GLIPR1L2: variants seen among roughly 807,000 people sequenced by gnomAD.
GLIPR1L2 encodes the protein GLIPR1-like protein 2.
Under a neutral mutation model 28.4 loss-of-function variants are expected in GLIPR1L2, and 21 were observed. The observed-to-expected ratio is 0.74, with a 90% CI of 0.52 to 1.06. The LOEUF (loss-of-function observed/expected upper bound fraction) is 1.06, where lower values mean the gene tolerates loss of function less well. Ranked by LOEUF, GLIPR1L2 falls within the 50% of genes least tolerant of loss-of-function variation. The pLI is 0.00. For synonymous variants in GLIPR1L2, 145 were observed against 139.3 expected (o/e 1.04, Z -0.29); for missense variants, 476 against 416.9 (o/e 1.14, Z -1.23).
intron 3 of GLIPR1L2, among the ~76,000 whole-genome samples, chr12:75,416,577 C>A (rs186580507): frequency 2.1e-4 from 32 of 152,174 alleles, no homozygotes; most frequent in African/African-American, 6.7e-4. Context: ...GAAGCCCAAA[C>A]TGGTTAACTC....
intron 1 of GLIPR1L2, 141 bp from the exon 2 acceptor site, chr12:75,410,293 C>A: frequency 1.4e-6 from 1 of 714,172 alleles, no homozygotes; most frequent in Non-Finnish European, 2.2e-6. Context: ...GAAGTTTTTC[C>A]CAGCAGAAAT....
chr12:75,416,730 G>A (rs914618582), intron 3 of GLIPR1L2, among the ~76,000 whole-genome samples: 1 of 152,136 alleles, frequency 6.6e-6, no homozygotes, highest in Non-Finnish European at 1.5e-5. Flanking sequence ...GAAGCTACCA[G>A]TTGTTGAAAT....
chr12:75,393,143 C>T (rs1241900775), intron 1 of GLIPR1L2, among the ~76,000 whole-genome samples: 1 of 152,090 alleles, frequency 6.6e-6, no homozygotes, highest in Non-Finnish European at 1.5e-5. Context: ...TGAATACTTT[C>T]CATCCTTATT....
chr12:75,429,092 A>G (rs111890424), intron 4 of GLIPR1L2, among the ~76,000 whole-genome samples: 4 of 152,156 alleles, frequency 2.6e-5, no homozygotes, highest in African/African-American at 9.7e-5. Flanking sequence ...CTGTGAGAAG[A>G]GGGCCACCAT....
rs12424779 is a variant in GLIPR1L2 at position 75,400,462 on chromosome 12, T to G, written c.234+9112T>G. Among the ~76,000 whole-genome samples, 117 of 152,144 alleles carry G rather than the reference T, an allele frequency of 7.7e-4. 1 individual carries two copies. In the South Asian group the frequency reaches 0.02, roughly 26 times the overall value. ...CTAACAACACAATATCTCATGGATC[T>G]TGGAAAAGCAAGGTACATTATGATA... On this transcript the variant is annotated intron_variant, in intron 1 of 5. Transcript: ENST00000550916.
chr12:75,421,758 C>T (rs1295358822), intron 3 of GLIPR1L2, among the ~76,000 whole-genome samples: 1 of 152,042 alleles, frequency 6.6e-6, no homozygotes, highest in African/African-American at 2.4e-5. Flanking sequence ...GTTAAATCAA[C>T]TTTGTAAACT....
intron 3 of GLIPR1L2, among the ~76,000 whole-genome samples, chr12:75,414,528 A>G (rs1594019098): frequency 6.6e-6 from 1 of 152,070 alleles, no homozygotes; most frequent in African/African-American, 2.4e-5. Flanking sequence ...AAGAAAAACA[A>G]AAGAACTATG....
At position 75,431,100 on chromosome 12, in the gene GLIPR1L2, AAG is replaced by A. The variant is rs759365647; in HGVS notation, c.983_984del (p.Glu328GlyfsTer48). 3.3e-4 allele frequency: 390 copies of A among 1,169,118 alleles called. 5 individuals are homozygous for A. In the South Asian group the frequency reaches 4.1e-3, roughly 12 times the overall value. The allele number at this position is 1,169,118 out of a possible 1,614,324, so 72.4% of individuals were successfully genotyped here. ...ATAATGGAAATGGAGGAGGAAAAAG[AAG>A]AGAGAGAGGAGGAGGAGGAGGAAAC... On this transcript the variant is annotated frameshift_variant, in exon 6 of 6. Coordinates refer to ENST00000550916, the MANE Select transcript of GLIPR1L2 (RefSeq NM_001270396.2). LOFTEE classifies it low-confidence loss of function (END_TRUNC).
intron 1 of GLIPR1L2, among the ~76,000 whole-genome samples, chr12:75,394,684 ATCT>A (rs1343216983): frequency 2.7e-5 from 4 of 146,464 alleles, no homozygotes; most frequent in African/African-American, 1.0e-4. Context: ...AACTTTTTTC[ATCT>A]TCTTCAAGAT....
In GLIPR1L2 at chr12:75,430,897, A is replaced by C. The variant is rs2046085213; in HGVS notation, c.771A>C (p.Leu257Phe). The C allele has an allele frequency of 2.0e-6, 3 of 1,535,902 alleles. No individual in the cohort carries two copies. The highest frequency in any genetic ancestry group is 1.7e-6 in the Non-Finnish European group (2 of 1,146,722). ...VVCDPLCTFI[L>F]LLRILCFILC... ...GTGATCCACTGTGCACATTCATTTT[A>C]TTATTGAGAATATTATGTTTTATCC... The change falls in exon 6 of 6, where the codon TTA becomes TTC. Residue 257 changes from leucine (L) to phenylalanine (F), a missense_variant. Coordinates refer to ENST00000550916, the MANE Select transcript of GLIPR1L2 (RefSeq NM_001270396.2).
At chr12:75,420,392 G>A (rs2045965104) in intron 3 of GLIPR1L2, among the ~76,000 whole-genome samples, 2 of 152,144 alleles carry the variant, frequency 1.3e-5, no homozygotes, top group Non-Finnish European at 1.5e-5. Flanking sequence ...TTGAATAATG[G>A]CCTTCTAATG....
At chr12:75,427,659 A>G (rs1302173080) in intron 4 of GLIPR1L2, among the ~76,000 whole-genome samples, 1 of 152,180 alleles carries the variant, frequency 6.6e-6, no homozygotes, top group Non-Finnish European at 1.5e-5. Flanking sequence ...GTCCCCACCC[A>G]AATATCATCT....
intron 1 of GLIPR1L2, among the ~76,000 whole-genome samples, chr12:75,407,453 T>C (rs2045816073): frequency 6.6e-6 from 1 of 152,044 alleles, no homozygotes; most frequent in African/African-American, 2.4e-5. Context: ...TTACAAGTGG[T>C]GTGGAACTAT....
chr12:75,426,488 T>C (rs1594032654), intron 4 of GLIPR1L2, among the ~76,000 whole-genome samples: 1 of 152,250 alleles, frequency 6.6e-6, no homozygotes, highest in East Asian at 1.9e-4. Context: ...CATTGATCCA[T>C]CTTACCTGGC....
chr12:75,406,143 C>CT (rs996217927), intron 1 of GLIPR1L2, among the ~76,000 whole-genome samples: 46 of 112,248 alleles, frequency 4.1e-4, no homozygotes, highest in Non-Finnish European at 5.8e-4. Context: ...GAGCTAAGGT[C>CT]TTTTTTTAAA....
chr12:75,419,193 T>C (rs1194494687), intron 3 of GLIPR1L2, among the ~76,000 whole-genome samples: 1 of 151,662 alleles, frequency 6.6e-6, no homozygotes, highest in Non-Finnish European at 1.5e-5. Context: ...GAAGAGACAA[T>C]AGAATGGATA....
At position 75,407,927 on chromosome 12, in the gene GLIPR1L2, C is replaced by T. The variant is rs182530276; in HGVS notation, c.235-2507C>T. Among the ~76,000 whole-genome samples the T allele has an allele frequency of 2.3e-3, 352 of 152,050 alleles. 5 individuals carry two copies. Among genetic ancestry groups the T allele is most frequent in the Admixed American group, 7.1e-3 (108 of 15,242 alleles). The stretch of plus-strand genomic sequence containing the variant: ...TATGAGAGTTTATGATTATACCTTC[C>T]TTTTAAAATTATTTTTTAATGGAGT... On this transcript the variant is annotated intron_variant, in intron 1 of 5. Coordinates refer to ENST00000550916, the MANE Select transcript of GLIPR1L2 (RefSeq NM_001270396.2).
intron 2 of GLIPR1L2, among the ~76,000 whole-genome samples, chr12:75,410,940 G>A (rs1271813436): frequency 2.6e-5 from 4 of 151,648 alleles, no homozygotes; most frequent in Admixed American, 2.6e-4. Flanking sequence ...TAAAAATAAT[G>A]TACACTGGAA....
In GLIPR1L2 at chr12:75,432,636, G is replaced by A. The variant is rs566558131; in HGVS notation, c.*1475G>A. ...TCAATATTCTGTTAAAAACCTGTTC[G>A]AAGTAGGGCAAGATGAGAATTATAT... is the stretch of plus-strand genomic sequence containing the variant. On this transcript the variant is annotated 3_prime_UTR_variant, in exon 6 of 6. Transcript: ENST00000550916. 5 of 151,884 alleles carry A rather than the reference G, an allele frequency of 3.3e-5. No individual in the cohort carries two copies. The highest frequency in any genetic ancestry group is 7.2e-5 in the African/African-American group (3 of 41,442). The allele number at this position is 151,884 out of a possible 1,614,324, so 9.4% of individuals were successfully genotyped here.
Sources: gnomAD v4.1 joint callset for allele counts (sites outside exome capture counted in the v4.1 genomes callset) on GRCh38, gnomAD v4.1.1 for gene constraint, MANE v1.5 for transcripts, NCBI Gene and HGNC (gene_info 2026-07-23, HGNC 2026-07-21) for gene names.